Variants in PLOD2 observed in about 807,000 individuals in gnomAD.
The protein encoded by PLOD2 is lysine hydroxylase 2.
In PLOD2, 65 loss-of-function variants were observed where a neutral mutation model predicts 101.0. The observed-to-expected ratio is 0.64, with a 90% confidence interval of 0.53 to 0.79. The LOEUF (loss-of-function observed/expected upper bound fraction) is 0.79. Among genes scored for constraint, PLOD2 ranks in the 30% least tolerant of loss-of-function variants. The pLI is 0.00. For missense variants in PLOD2, 909 were observed against 914.6 expected (o/e 0.99, Z 0.08); for synonymous variants, 314 against 302.9 (o/e 1.04, Z -0.38).
intron 7 of PLOD2, among the ~76,000 whole-genome samples, chr3:146,097,836 A>C (rs902738544): frequency 4.8e-5 from 7 of 147,124 alleles, no homozygotes; most frequent in African/African-American, 1.7e-4. Context: ...AAAAAAGAAA[A>C]TGTGGCATAT....
chr3:146,082,178 T>C (rs1426395648), intron 11 of PLOD2, among the ~76,000 whole-genome samples: 4 of 152,162 alleles, frequency 2.6e-5, no homozygotes, highest in East Asian at 1.9e-4. Flanking sequence ...GGAAACTACT[T>C]TAGTTATTTA....
intron 1 of PLOD2, among the ~76,000 whole-genome samples, chr3:146,130,356 C>G (rs1200267406): frequency 6.6e-6 from 1 of 152,120 alleles, no homozygotes; most frequent in Non-Finnish European, 1.5e-5. Context: ...TTTCAGGGCA[C>G]TCACCACAAA....
chr3:146,106,731 A>C (rs1190642356), intron 4 of PLOD2, 87 bp from the exon 5 acceptor site: 24 of 778,938 alleles, frequency 3.1e-5, no homozygotes, highest in Non-Finnish European at 9.4e-6. Flanking sequence ...AGTTGAACAG[A>C]GTTGTGAAGT....
At chr3:146,096,799 G>A (rs1248094918) in intron 7 of PLOD2, among the ~76,000 whole-genome samples, 1 of 147,174 alleles carries the variant, frequency 6.8e-6, no homozygotes, top group African/African-American at 2.5e-5. Context: ...TCCGGGAGGT[G>A]AGGGGCTCCT....
At chr3:146,130,036 T>G (rs1424054368) in intron 1 of PLOD2, among the ~76,000 whole-genome samples, 1 of 152,128 alleles carries the variant, frequency 6.6e-6, no homozygotes. Context: ...GTAGAGAAAC[T>G]CCATTACCAC....
chr3:146,143,027 C>T (rs561456376), intron 1 of PLOD2, among the ~76,000 whole-genome samples: 1 of 152,212 alleles, frequency 6.6e-6, no homozygotes, highest in South Asian at 2.1e-4. Flanking sequence ...TCAATGCTAT[C>T]GGCTGACATT....
At chr3:146,125,910 T>C (rs1181672761) in intron 1 of PLOD2, among the ~76,000 whole-genome samples, 3 of 152,212 alleles carry the variant, frequency 2.0e-5, no homozygotes, top group Admixed American at 6.5e-5. Context: ...TTAAAGTCTA[T>C]CTGTAATAAA....
rs1439728089 is a variant in PLOD2, at chr3:146,102,580, GATTA to G, written c.777+171_777+174del. On this transcript the variant is annotated intron_variant, in intron 7 of 19. Coordinates refer to ENST00000282903, the MANE Select transcript of PLOD2 (RefSeq NM_182943.3). ...CACTCTGCTGAGGAAAAATCAGTTT[GATTA>G]ATTAATTAGTATAAAACCAGATGAT... Among the ~76,000 whole-genome samples the G allele has an allele frequency of 6.6e-5, 10 of 152,138 alleles. 1 individual carries two copies. The South Asian group carries it at 1.0e-3, about 16-fold the overall frequency.
At chr3:146,152,465 G>T (rs556732299) in intron 1 of PLOD2, among the ~76,000 whole-genome samples, 20 of 152,174 alleles carry the variant, frequency 1.3e-4, no homozygotes, top group African/African-American at 4.6e-4. Flanking sequence ...GTGTCCAATG[G>T]CTACAGTTAT....
rs559020680 is a variant in PLOD2 at position 146,123,972 on chromosome 3, C to A, written c.201+166G>T. ...TCACCTCAAGCATTTACCACCATTTCTTTGTGTTAGGAAATATTAATAAAG... is the reference window on the plus strand; with the variant it reads ...TCACCTCAAGCATTTACCACCATTTATTTGTGTTAGGAAATATTAATAAAG... On this transcript the variant is annotated intron_variant, in intron 2 of 19. Coordinates refer to ENST00000282903, the MANE Select transcript of PLOD2 (RefSeq NM_182943.3). Among the ~76,000 whole-genome samples, 26 of 152,078 alleles carry A rather than the reference C, an allele frequency of 1.7e-4. No individual in the cohort carries two copies. The East Asian group carries it at 5.0e-3, about 29-fold the overall frequency.
rs778744561 is a variant in PLOD2, at chr3:146,085,278, C to G, written c.1128-5G>C. On this transcript the variant is annotated splice_region_variant and splice_polypyrimidine_tract_variant and intron_variant, in intron 10 of 19. Transcript: ENST00000282903. ...TCATCCTGACGGCAAAAGTCCCTAA[C>G]AGTGAAAAAGAAAATGAAATGGGCA... is the stretch of plus-strand genomic sequence containing the variant. The G allele has an allele frequency of 1.2e-5, 18 of 1,478,176 alleles. No homozygotes were observed. The highest frequency in any genetic ancestry group is 1.7e-4 in the Middle Eastern group (1 of 5,826). 91.6% of individuals were successfully genotyped at this position (1,478,176 alleles called of 1,614,324 possible). A position where few individuals can be genotyped will look rare whatever the true frequency, so the allele number is the denominator to read the frequency against.
At chr3:146,093,970 G>T (rs1423435478) in intron 7 of PLOD2, among the ~76,000 whole-genome samples, 8 of 151,606 alleles carry the variant, frequency 5.3e-5, no homozygotes. Flanking sequence ...CCCTCTTTTG[G>T]ACCTCTCACC....
intron 7 of PLOD2, among the ~76,000 whole-genome samples, chr3:146,096,752 T>TG (rs1253149716): frequency 6.3e-4 from 87 of 138,000 alleles, no homozygotes; most frequent in South Asian, 1.9e-3. Flanking sequence ...GGGAGGGAGG[T>TG]GGGGGGGGTC....
At chr3:146,126,970 A>G (rs147903942) in intron 1 of PLOD2, among the ~76,000 whole-genome samples, 3 of 152,222 alleles carry the variant, frequency 2.0e-5, no homozygotes, top group African/African-American at 7.2e-5. Context: ...CTGAAACTGC[A>G]TTTTTTGTTA....
intron 16 of PLOD2, among the ~76,000 whole-genome samples, 170 bp downstream of exon 16, chr3:146,073,117 T>G (rs1465966569): frequency 6.6e-6 from 1 of 151,642 alleles, no homozygotes; most frequent in Non-Finnish European, 1.5e-5. Context: ...ATGTTCTACA[T>G]TTTACAACTG....
intron 3 of PLOD2, among the ~76,000 whole-genome samples, chr3:146,112,043 T>G (rs909174944): frequency 6.6e-6 from 1 of 152,152 alleles, no homozygotes; most frequent in African/African-American, 2.4e-5. Context: ...AGACTCTGAC[T>G]AAACTGAGTC....
At chr3:146,148,688 G>A (rs1416580054) in intron 1 of PLOD2, among the ~76,000 whole-genome samples, 1 of 152,176 alleles carries the variant, frequency 6.6e-6, no homozygotes, top group African/African-American at 2.4e-5. Context: ...CAACAGACTT[G>A]TACCTCAATT....
chr3:146,127,589 A>G (rs909803720), intron 1 of PLOD2, among the ~76,000 whole-genome samples: 1 of 152,046 alleles, frequency 6.6e-6, no homozygotes, highest in Non-Finnish European at 1.5e-5. Flanking sequence ...ATGGACTTTT[A>G]GGTTGGTTCC....
intron 10 of PLOD2, 63 bp from the exon 11 acceptor site, chr3:146,085,336 T>C (rs1231321728): frequency 2.5e-6 from 2 of 815,804 alleles, no homozygotes; most frequent in Non-Finnish European, 2.2e-6. Flanking sequence ...GACTGAAAAA[T>C]GTTAATATAT....
Sources: gnomAD v4.1 joint callset for allele counts (sites outside exome capture counted in the v4.1 genomes callset) on GRCh38, gnomAD v4.1.1 for gene constraint, MANE v1.5 for transcripts, NCBI Gene and HGNC (gene_info 2026-07-23, HGNC 2026-07-21) for gene names.